The following PLSCR4 variants were observed in gnomAD, a reference collection of about 807,000 sequenced individuals.
PLSCR4 encodes the protein Ca(2+)-dependent phospholipid scramblase 4.
A neutral mutation model predicts 36.3 loss-of-function variants in PLSCR4; 25 were observed. The ratio of observed to expected loss-of-function variants is 0.69; its 90% CI spans 0.50 to 0.96. The LOEUF (loss-of-function observed/expected upper bound fraction) is 0.96, where lower values mean the gene tolerates loss of function less well. PLSCR4 is among the 40% of genes least tolerant of loss of function. PLSCR4 has a pLI of 0.00. For missense variants in PLSCR4, 408 were observed against 414.7 expected, an observed-to-expected ratio of 0.98 and a Z score of 0.14; for synonymous variants, 122 against 132.9, an observed-to-expected ratio of 0.92 and a Z score of 0.56.
intron 6 of PLSCR4, among the ~76,000 whole-genome samples, chr3:146,197,151 G>A (rs766389900): frequency 6.6e-6 from 1 of 152,154 alleles, no homozygotes; most frequent in Non-Finnish European, 1.5e-5. Flanking sequence ...ACTGAGGCTT[G>A]CAAGTGTTAA....
chr3:146,206,365 C>T (rs1032306680), intron 4 of PLSCR4, among the ~76,000 whole-genome samples, 161 bp downstream of exon 4: 2 of 152,088 alleles, frequency 1.3e-5, no homozygotes, highest in African/African-American at 2.4e-5. Flanking sequence ...GTTTCCCCTT[C>T]ATATTTCTGA....
chr3:146,226,420 C>A (rs2035481948), intron 1 of PLSCR4, among the ~76,000 whole-genome samples: 1 of 152,156 alleles, frequency 6.6e-6, no homozygotes, highest in South Asian at 2.1e-4. Flanking sequence ...AAACTAATTA[C>A]AACAGATTAT....
At chr3:146,197,457 GACT>G (rs2033809886) in intron 6 of PLSCR4, among the ~76,000 whole-genome samples, 1 of 152,024 alleles carries the variant, frequency 6.6e-6, no homozygotes, top group Admixed American at 6.6e-5. Flanking sequence ...CAGTTAAGCT[GACT>G]TTTTAGATTT....
chr3:146,215,733 G>C (rs1340900291), intron 3 of PLSCR4, among the ~76,000 whole-genome samples: 2 of 152,148 alleles, frequency 1.3e-5, no homozygotes, highest in Non-Finnish European at 2.9e-5. Flanking sequence ...GTCCACATAA[G>C]TGTGCAAAAA....
rs1324021537 is a variant in PLSCR4, at chr3:146,195,104, C to A, written c.945+20G>T. ...AGAAAGAACAACTCTCTCAGGATAA[C>A]TCAAAAATAGAAGGCTTACAATGAG... is the stretch of plus-strand genomic sequence containing the variant. On this transcript the variant is annotated intron_variant, in intron 8 of 8. Coordinates refer to ENST00000354952, the MANE Select transcript of PLSCR4 (RefSeq NM_020353.3). 2 of 1,610,944 alleles carry A rather than the reference C, an allele frequency of 1.2e-6. No homozygotes were observed. The highest frequency in any genetic ancestry group is 2.2e-5 in the South Asian group (2 of 90,966).
At chr3:146,242,394 A>T (rs1173583689) in intron 1 of PLSCR4, among the ~76,000 whole-genome samples, 1 of 152,126 alleles carries the variant, frequency 6.6e-6, no homozygotes, top group Non-Finnish European at 1.5e-5. Flanking sequence ...CAGCATGCCC[A>T]GTGTACTCAC....
At chr3:146,248,837 C>T (rs1298618958) in intron 1 of PLSCR4, among the ~76,000 whole-genome samples, 1 of 152,142 alleles carries the variant, frequency 6.6e-6, no homozygotes, top group Non-Finnish European at 1.5e-5. Flanking sequence ...ATTCACATTT[C>T]CACTAAAAGT....
chr3:146,242,409 C>CT (rs1445280283), intron 1 of PLSCR4, among the ~76,000 whole-genome samples: 1 of 152,136 alleles, frequency 6.6e-6, no homozygotes, highest in African/African-American at 2.4e-5. Context: ...ACTCACTGCT[C>CT]TTTCGCAGCA....
chr3:146,199,047 C>T lies in PLSCR4; in HGVS notation c.624+766G>A, dbSNP rs546632624. ...TTTACAGGTAAATAAGGCCTGGAGACGGTTGTAAAAAATTAATATTTAGTA... is the reference window on the plus strand; with the variant it reads ...TTTACAGGTAAATAAGGCCTGGAGATGGTTGTAAAAAATTAATATTTAGTA... On this transcript the variant is annotated intron_variant, in intron 6 of 8. Transcript: ENST00000354952. Among the ~76,000 whole-genome samples, 96 of 151,978 alleles carry T rather than the reference C, an allele frequency of 6.3e-4. 1 individual carries two copies. The highest frequency in any genetic ancestry group is 9.1e-4 in the Non-Finnish European group (62 of 67,982).
intron 1 of PLSCR4, among the ~76,000 whole-genome samples, chr3:146,247,936 A>T (rs2036404624): frequency 6.6e-6 from 1 of 152,244 alleles, no homozygotes; most frequent in African/African-American, 2.4e-5. Flanking sequence ...CCATGCAATT[A>T]AAAACAATTT....
chr3:146,241,912 C>T lies in PLSCR4; in HGVS notation c.-22+9048G>A, dbSNP rs531651170. On this transcript the variant is annotated intron_variant, in intron 1 of 8. Coordinates refer to ENST00000354952, the MANE Select transcript of PLSCR4 (RefSeq NM_020353.3). ...ATAAAACAACACATTTCTACGTAAT[C>T]TAAATCATAACCTGATAAATTAAAT... Among the ~76,000 whole-genome samples, 5 of 152,310 alleles carry T rather than the reference C, an allele frequency of 3.3e-5. No individual in the cohort carries two copies. The East Asian group carries it at 9.6e-4, about 29-fold the overall frequency.
intron 3 of PLSCR4, among the ~76,000 whole-genome samples, chr3:146,215,543 G>GA (rs1334584298): frequency 1.3e-5 from 2 of 152,016 alleles, no homozygotes; most frequent in African/African-American, 2.4e-5. Context: ...CCACCTTGAA[G>GA]AAAAAAATAA....
rs147657587 is a variant in PLSCR4, at chr3:146,215,599, A to G, written c.118+5216T>C. ...AAACTGTAGTTTCTTTCTGAAAATT[A>G]CTGCTTTTCCTTGTAATGTGTGTAT... On this transcript the variant is annotated intron_variant, in intron 3 of 8. Coordinates refer to ENST00000354952, the MANE Select transcript of PLSCR4 (RefSeq NM_020353.3). Among the ~76,000 whole-genome samples, 561 of 152,236 alleles carry G rather than the reference A, an allele frequency of 3.7e-3. 5 individuals are homozygous for G. Among genetic ancestry groups the G allele is most frequent in the African/African-American group, 0.012 (514 of 41,554 alleles).
At chr3:146,232,034 A>G (rs1211367479) in intron 1 of PLSCR4, among the ~76,000 whole-genome samples, 1 of 152,160 alleles carries the variant, frequency 6.6e-6, no homozygotes, top group Non-Finnish European at 1.5e-5. Context: ...ATTTTTGTAT[A>G]TGATGAAAGG....
chr3:146,250,523 G>A (rs1287405046), intron 1 of PLSCR4: 2 of 152,140 alleles, frequency 1.3e-5, no homozygotes, highest in Non-Finnish European at 2.9e-5. Flanking sequence ...CACTCGCTGA[G>A]CAATTAAAAA....
intron 4 of PLSCR4, among the ~76,000 whole-genome samples, chr3:146,203,440 C>T (rs1156303023): frequency 3.3e-5 from 5 of 151,994 alleles, no homozygotes; most frequent in African/African-American, 1.2e-4. Flanking sequence ...TACTTTTTAG[C>T]TATGAAAGTC....
intron 1 of PLSCR4, among the ~76,000 whole-genome samples, chr3:146,240,705 C>A: frequency 1.3e-5 from 1 of 79,524 alleles, no homozygotes; most frequent in South Asian, 4.6e-4. Flanking sequence ...ATGTAGATAT[C>A]GAAACCTTCA....
chr3:146,250,545 T>C (rs1337256052), intron 1 of PLSCR4: 3 of 152,066 alleles, frequency 2.0e-5, no homozygotes, highest in Non-Finnish European at 4.4e-5. Context: ...TTACTATAAA[T>C]AGCGTTTTTA....
chr3:146,250,626 A>G (rs2107882458), intron 1 of PLSCR4: 1 of 152,338 alleles, frequency 6.6e-6, no homozygotes, highest in East Asian at 1.9e-4. Flanking sequence ...GAGAAACCCA[A>G]TCAAGCGAGA....
Sources: allele counts gnomAD v4.1 joint callset (sites outside exome capture counted in the v4.1 genomes callset), GRCh38; gene constraint gnomAD v4.1.1; transcripts MANE v1.5; gene names NCBI Gene and HGNC (gene_info 2026-07-23, HGNC 2026-07-21).